Variants in ASB17 observed in about 807,000 individuals in gnomAD.
ASB17 encodes ankyrin repeat and SOCS box containing 17.
In ASB17, 26 loss-of-function variants were observed where a neutral mutation model predicts 25.7. The observed-to-expected ratio is 1.01, with a 90% CI of 0.74 to 1.40. The LOEUF is 1.40. ASB17 is among the 40% of genes most tolerant of loss of function. The pLI is 0.00. For synonymous variants in ASB17, 128 were observed against 121.4 expected (o/e 1.05, Z -0.36); for missense variants, 326 against 338.5 (o/e 0.96, Z 0.29).
chr1:75,924,252 T>C (rs921662778), intron 1 of ASB17, among the ~76,000 whole-genome samples: 1 of 152,158 alleles, frequency 6.6e-6, no homozygotes, highest in Non-Finnish European at 1.5e-5. Flanking sequence ...TTTCAAACTA[T>C]TTTTGAAGAA....
chr1:75,919,642 T>G (rs1452750695), intron 2 of ASB17, among the ~76,000 whole-genome samples: 1 of 152,160 alleles, frequency 6.6e-6, no homozygotes, highest in East Asian at 1.9e-4. Context: ...CGGTGTTTGG[T>G]TTTTTGTTCT....
intron 1 of ASB17, among the ~76,000 whole-genome samples, chr1:75,923,585 C>T (rs1653088995): frequency 6.6e-6 from 1 of 152,188 alleles, no homozygotes; most frequent in East Asian, 1.9e-4. Flanking sequence ...CTGTGGAATT[C>T]TCTTGACTGG....
intron 2 of ASB17, among the ~76,000 whole-genome samples, chr1:75,921,574 G>A (rs1170396878): frequency 1.3e-5 from 2 of 152,032 alleles, no homozygotes; most frequent in East Asian, 3.9e-4. Context: ...TTGTAAAGAA[G>A]GTCTCCACAT....
chr1:75,926,290 G>C (rs767208388), intron 1 of ASB17, among the ~76,000 whole-genome samples: 17 of 152,208 alleles, frequency 1.1e-4, no homozygotes, highest in Non-Finnish European at 1.2e-4. Flanking sequence ...AGAATAAGTA[G>C]AGCAGAATAA....
intron 2 of ASB17, among the ~76,000 whole-genome samples, chr1:75,919,384 G>GTT (rs962921498): frequency 6.8e-6 from 1 of 146,386 alleles, no homozygotes; most frequent in Admixed American, 6.8e-5. Context: ...CAAGGCAACA[G>GTT]TTTTTTTTTT....
chr1:75,929,466 G>T (rs918141124), intron 1 of ASB17, among the ~76,000 whole-genome samples: 2 of 151,794 alleles, frequency 1.3e-5, no homozygotes, highest in African/African-American at 2.4e-5. Context: ...TGATCCGCCC[G>T]CCTCAGCCTC....
chr1:75,923,941 C>T (rs114921196), intron 1 of ASB17, among the ~76,000 whole-genome samples: 3,073 of 151,984 alleles, frequency 0.02, 55 homozygotes, highest in Middle Eastern at 0.048. Context: ...AGATATAGTT[C>T]TTGACTATTA....
chr1:75,921,001 C>T (rs1653012018), intron 2 of ASB17, among the ~76,000 whole-genome samples: 1 of 152,068 alleles, frequency 6.6e-6, no homozygotes, highest in Non-Finnish European at 1.5e-5. Flanking sequence ...GTCTCGATCT[C>T]CTGACCTCGT....
intron 1 of ASB17, among the ~76,000 whole-genome samples, chr1:75,928,633 A>G (rs1421643464): frequency 2.6e-5 from 4 of 152,240 alleles, no homozygotes; most frequent in African/African-American, 9.6e-5. Context: ...GTGTTCAAAT[A>G]CTTGAGAAGT....
Position 75,918,885 on chromosome 1 carries a change from A to C in ASB17, c.*67T>G, listed in dbSNP as rs1363415523. The C allele has an allele frequency of 2.3e-6, 3 of 1,307,880 alleles. No homozygotes were observed. The highest frequency in any genetic ancestry group is 2.3e-5 in the East Asian group (1 of 42,886). The allele number at this position is 1,307,880 out of a possible 1,614,324, so 81.0% of individuals were successfully genotyped here. ...ATGCAATAAAAACTTACATGAAGTG[A>C]ATTTTTATTAACTTCTAAGCCATAC... On this transcript the variant is annotated 3_prime_UTR_variant, in exon 3 of 3. Transcript: ENST00000284142.
chr1:75,929,371 C>A (rs1653262330), intron 1 of ASB17, among the ~76,000 whole-genome samples: 1 of 149,354 alleles, frequency 6.7e-6, no homozygotes, highest in Non-Finnish European at 1.5e-5. Context: ...ACTACAGGCG[C>A]CCGCCACTGC....
chr1:75,920,552 T>C (rs1652998604), intron 2 of ASB17, among the ~76,000 whole-genome samples: 1 of 152,208 alleles, frequency 6.6e-6, no homozygotes, highest in Non-Finnish European at 1.5e-5. Flanking sequence ...ATAAAATATA[T>C]GTGCTGCGAT....
chr1:75,924,606 A>T (rs565461925), intron 1 of ASB17, among the ~76,000 whole-genome samples: 1 of 152,194 alleles, frequency 6.6e-6, no homozygotes, highest in East Asian at 1.9e-4. Context: ...GATATGTATT[A>T]TTTCCTGTAT....
chr1:75,925,701 A>G (rs1653151795), intron 1 of ASB17, among the ~76,000 whole-genome samples: 1 of 152,186 alleles, frequency 6.6e-6, no homozygotes, highest in African/African-American at 2.4e-5. Context: ...ACCTGTCATA[A>G]TGCTTATGAA....
intron 1 of ASB17, among the ~76,000 whole-genome samples, chr1:75,927,872 A>G (rs1018422434): frequency 1.3e-5 from 2 of 151,778 alleles, no homozygotes; most frequent in South Asian, 4.2e-4. Flanking sequence ...CATGTTCCTC[A>G]CTCTGGCCTA....
intron 1 of ASB17, among the ~76,000 whole-genome samples, chr1:75,930,363 T>C (rs1197364430): frequency 8.9e-6 from 1 of 112,584 alleles, no homozygotes; most frequent in Non-Finnish European, 1.9e-5. Flanking sequence ...TAAATATAAA[T>C]ATATATATAT....
chr1:75,918,978 G>A lies in ASB17; in HGVS notation c.862C>T (p.Gln288Ter). 1.2e-6 allele frequency: 2 copies of A among 1,612,388 alleles called. No homozygotes were observed. Among genetic ancestry groups the A allele is most frequent in the East Asian group, 4.5e-5 (2 of 44,706 alleles). Residue 288 changes from glutamine (Q) to a stop codon, truncating the protein, a stop_gained, in exon 3 of 3, where the codon CAA becomes TAA. Coordinates refer to ENST00000284142, the MANE Select transcript of ASB17 (RefSeq NM_080868.3). LOFTEE classifies it high-confidence loss of function. ...IFSLLIPARL[Q>*]NYLNLEI ...TAGATTTCTAAATTCAGATAGTTTTGTAGACGAGCAGGAATTAGAAGTGAA... is the reference window on the plus strand; with the variant it reads ...TAGATTTCTAAATTCAGATAGTTTTATAGACGAGCAGGAATTAGAAGTGAA...
At chr1:75,927,432 C>A (rs1653201255) in intron 1 of ASB17, among the ~76,000 whole-genome samples, 1 of 152,100 alleles carries the variant, frequency 6.6e-6, no homozygotes, top group Non-Finnish European at 1.5e-5. Flanking sequence ...GTAATTCTGT[C>A]TAAAAATCTC....
chr1:75,922,127 C>A lies in ASB17; in HGVS notation c.634G>T (p.Val212Leu). The A allele has an allele frequency of 1.9e-6, 3 of 1,613,768 alleles. No individual in the cohort carries two copies. Among genetic ancestry groups the A allele is most frequent in the Non-Finnish European group, 2.5e-6 (3 of 1,179,836 alleles). ...ACAGAAAGCACTCTGGAACATAGTA[C>A]CAAACATGTTTTGGCATCTTCATGG... is the stretch of plus-strand genomic sequence containing the variant. ...DIHEDAKTCL[V>L]LCSRVLSVIS... Residue 212 changes from valine to leucine, a missense_variant, in exon 2 of 3, where the codon GTA becomes TTA. Coordinates refer to ENST00000284142, the MANE Select transcript of ASB17 (RefSeq NM_080868.3).
Sources: allele counts gnomAD v4.1 joint callset (sites outside exome capture counted in the v4.1 genomes callset), GRCh38; gene constraint gnomAD v4.1.1; transcripts MANE v1.5; gene names NCBI Gene and HGNC (gene_info 2026-07-23, HGNC 2026-07-21).